PTPRN2: variants seen among roughly 807,000 people sequenced by gnomAD.
The protein encoded by PTPRN2 is protein tyrosine phosphatase receptor type N2, also known as receptor-type tyrosine-protein phosphatase N2.
Under a neutral mutation model 118.8 loss-of-function variants are expected in PTPRN2, and 74 were observed. The ratio of observed to expected loss-of-function variants is 0.62; its 90% CI spans 0.52 to 0.76. The LOEUF is 0.76. PTPRN2 is among the 30% of genes least tolerant of loss of function. PTPRN2 has a pLI of 0.00. For missense variants in PTPRN2, 1,481 were observed against 1,394.4 expected (o/e 1.06, Z -0.99); for synonymous variants, 641 against 608.0 (o/e 1.05, Z -0.80).
At chr7:158,456,364 T>C (rs377743880) in intron 2 of PTPRN2, among the ~76,000 whole-genome samples, 1,087 of 88,974 alleles carry the variant, frequency 0.012, 20 homozygotes, top group African/African-American at 0.042. Context: ...TGGACGCCAT[T>C]GGCCACAGCC....
chr7:158,215,108 A>G (rs1827866235), intron 3 of PTPRN2, among the ~76,000 whole-genome samples: 1 of 152,382 alleles, frequency 6.6e-6, no homozygotes, highest in African/African-American at 2.4e-5. Context: ...AAATGCTTCA[A>G]TGAGCAATTA....
intron 11 of PTPRN2, among the ~76,000 whole-genome samples, chr7:158,013,839 TCCAC>T (rs1303667686): frequency 5.0e-4 from 59 of 117,602 alleles, no homozygotes; most frequent in African/African-American, 1.6e-3. Context: ...CATCCATCCA[TCCAC>T]CCACCCACCC....
intron 10 of PTPRN2, among the ~76,000 whole-genome samples, chr7:158,085,159 C>A (rs2128935728): frequency 8.6e-6 from 1 of 115,692 alleles, no homozygotes. Context: ...ACCCTCGACG[C>A]CCATCCAGAT....
chr7:158,299,254 G>A (rs1800706006), intron 3 of PTPRN2, among the ~76,000 whole-genome samples: 1 of 151,860 alleles, frequency 6.6e-6, no homozygotes, highest in Admixed American at 6.6e-5. Flanking sequence ...ATGCAAGTCT[G>A]TCCTTCCCAC....
intron 12 of PTPRN2, among the ~76,000 whole-genome samples, chr7:157,898,125 C>T (rs1289813201): frequency 1.3e-5 from 2 of 151,920 alleles, no homozygotes; most frequent in Admixed American, 6.6e-5. Context: ...AGGGGCTTGA[C>T]AGATTTTCAG....
chr7:158,026,079 C>T (rs1158785597), intron 11 of PTPRN2, among the ~76,000 whole-genome samples: 4 of 152,250 alleles, frequency 2.6e-5, no homozygotes, highest in Non-Finnish European at 2.9e-5. Flanking sequence ...TGCCGGGCCC[C>T]GTCGAGGCAG....
intron 12 of PTPRN2, among the ~76,000 whole-genome samples, chr7:157,847,059 C>G (rs546404011): frequency 1.1e-4 from 16 of 149,032 alleles, no homozygotes; most frequent in African/African-American, 4.0e-4. Flanking sequence ...AGCCCTCTCT[C>G]ATTACATCTT....
At chr7:158,547,453 G>A (rs1826357295) in intron 1 of PTPRN2, among the ~76,000 whole-genome samples, 1 of 152,144 alleles carries the variant, frequency 6.6e-6, no homozygotes, top group African/African-American at 2.4e-5. Context: ...AACACTAGGG[G>A]CTGCTATAAG....
chr7:158,278,783 C>A (rs1231846779), intron 3 of PTPRN2, among the ~76,000 whole-genome samples: 1 of 152,204 alleles, frequency 6.6e-6, no homozygotes, highest in East Asian at 1.9e-4. Flanking sequence ...AGCTGCAGAC[C>A]TTTGCAGTGG....
intron 1 of PTPRN2, among the ~76,000 whole-genome samples, chr7:158,491,569 G>A (rs1032486786): frequency 1.5e-4 from 23 of 151,784 alleles, no homozygotes; most frequent in Non-Finnish European, 2.9e-5. Flanking sequence ...GGCTCACTGC[G>A]ACCTCTGCCT....
At chr7:158,107,673 GC>G (rs1364756115) in intron 10 of PTPRN2, among the ~76,000 whole-genome samples, 1 of 152,140 alleles carries the variant, frequency 6.6e-6, no homozygotes, top group African/African-American at 2.4e-5. Context: ...CCTTGAAGCT[GC>G]CTTTCTACAA....
intron 3 of PTPRN2, among the ~76,000 whole-genome samples, chr7:158,232,004 C>A (rs1285673533): frequency 6.6e-6 from 1 of 152,048 alleles, no homozygotes; most frequent in Non-Finnish European, 1.5e-5. Context: ...ATGCCTACAT[C>A]AAAAACATAG....
At position 157,921,010 on chromosome 7, in the gene PTPRN2, A is replaced by G. The variant is rs535019980; in HGVS notation, c.1724-22273T>C. On this transcript the variant is annotated intron_variant, in intron 11 of 22. Coordinates refer to ENST00000389418, the MANE Select transcript of PTPRN2 (RefSeq NM_002847.5). Reference sequence around the variant, plus strand: ...TAAATAGAGTTGAAAACTTATGTCCATACAAAAATATGCACATGGATGTTT... The same window carrying G: ...TAAATAGAGTTGAAAACTTATGTCCGTACAAAAATATGCACATGGATGTTT... Among the ~76,000 whole-genome samples the G allele has an allele frequency of 2.0e-5, 3 of 152,318 alleles. No individual in the cohort carries two copies. In the East Asian group the frequency reaches 5.8e-4, roughly 29 times the overall value.
chr7:157,655,688 A>G (rs1806028060), intron 14 of PTPRN2, among the ~76,000 whole-genome samples: 1 of 152,190 alleles, frequency 6.6e-6, no homozygotes, highest in African/African-American at 2.4e-5. Flanking sequence ...CACCAGGACG[A>G]CGCCTACGGC....
chr7:158,336,924 C>G (rs1343722493), intron 2 of PTPRN2, among the ~76,000 whole-genome samples: 1 of 103,024 alleles, frequency 9.7e-6, no homozygotes, highest in African/African-American at 3.3e-5. Flanking sequence ...CGCCCGCAGA[C>G]GTCACTCACA....
chr7:158,323,203 G>A (rs1803182143), intron 2 of PTPRN2, among the ~76,000 whole-genome samples: 1 of 152,238 alleles, frequency 6.6e-6, no homozygotes, highest in African/African-American at 2.4e-5. Context: ...TGCCTGGCCT[G>A]GAACTCCGAT....
chr7:157,758,074 A>T (rs1801905560), intron 12 of PTPRN2, among the ~76,000 whole-genome samples: 1 of 152,078 alleles, frequency 6.6e-6, no homozygotes, highest in African/African-American at 2.4e-5. Context: ...CTCGGGACTG[A>T]CGGCGCAGGG....
intron 11 of PTPRN2, among the ~76,000 whole-genome samples, chr7:157,943,563 C>T (rs561655641): frequency 2.0e-5 from 3 of 152,158 alleles, no homozygotes; most frequent in African/African-American, 7.2e-5. Flanking sequence ...ACACCCACCC[C>T]AGATGCCCAG....
rs141550131 is a variant in PTPRN2, at chr7:157,775,478, C to T, written c.1789-92541G>A. Among the ~76,000 whole-genome samples, 855 of 152,340 alleles carry T rather than the reference C, an allele frequency of 5.6e-3. 7 individuals are homozygous for T. Among genetic ancestry groups the T allele is most frequent in the Admixed American group, 8.2e-3 (125 of 15,310 alleles). Reference sequence around the variant, plus strand: ...TGCAGTTCAACCCACAGGGCGGAGGCGGCAGCGTGAGAAGCTTCCTGAATA... The same window carrying T: ...TGCAGTTCAACCCACAGGGCGGAGGTGGCAGCGTGAGAAGCTTCCTGAATA... On this transcript the variant is annotated intron_variant, in intron 12 of 22. Coordinates refer to ENST00000389418, the MANE Select transcript of PTPRN2 (RefSeq NM_002847.5).
Sources: allele counts gnomAD v4.1 joint callset (sites outside exome capture counted in the v4.1 genomes callset), GRCh38; gene constraint gnomAD v4.1.1; transcripts MANE v1.5; gene names NCBI Gene and HGNC (gene_info 2026-07-23, HGNC 2026-07-21).